Variants in SLC39A11 observed in about 807,000 individuals in gnomAD.
The protein encoded by SLC39A11 is zinc transporter ZIP11.
In SLC39A11, 33 loss-of-function variants were observed where a neutral mutation model predicts 36.1. The ratio of observed to expected loss-of-function variants is 0.91; its 90% CI spans 0.69 to 1.22. SLC39A11 has a LOEUF of 1.22. SLC39A11 is among the 50% of genes most tolerant of loss of function. The pLI, the probability that SLC39A11 is intolerant of heterozygous loss-of-function variation, is 0.00. For missense variants in SLC39A11, 432 were observed against 430.3 expected (o/e 1.00, Z -0.03); for synonymous variants, 166 against 170.3 (o/e 0.97, Z 0.20).
chr17:73,007,971 C>T (rs1568113563), intron 4 of SLC39A11, among the ~76,000 whole-genome samples: 1 of 152,076 alleles, frequency 6.6e-6, no homozygotes, highest in South Asian at 2.1e-4. Context: ...GGTGTGGTGG[C>T]GTGAGCCTGT....
In SLC39A11 at chr17:72,963,234, G is replaced by A. The variant is rs377456770; in HGVS notation, c.307-15359C>T. Among the ~76,000 whole-genome samples, 1,141 of 141,098 alleles carry A rather than the reference G, an allele frequency of 8.1e-3. 22 individuals are homozygous for A. Among genetic ancestry groups the A allele is most frequent in the African/African-American group, 0.028 (1,039 of 37,458 alleles). The allele number at this position is 141,098 out of a possible 152,430, so 92.6% of individuals were successfully genotyped here. A position where few individuals can be genotyped will look rare whatever the true frequency, so the allele number is the denominator to read the frequency against. ...CCCCCAGGCTGGAGTGCAGTGGTGC[G>A]ATCCCAGCTCCCTGCAAGCTCCGCC... is the stretch of plus-strand genomic sequence containing the variant. On this transcript the variant is annotated intron_variant, in intron 4 of 9. Coordinates refer to ENST00000255559, the MANE Select transcript of SLC39A11 (RefSeq NM_139177.4).
intron 4 of SLC39A11, among the ~76,000 whole-genome samples, chr17:72,980,588 T>C (rs1343012282): frequency 5.3e-5 from 8 of 152,112 alleles, no homozygotes; most frequent in Admixed American, 5.2e-4. Context: ...GCTGTAAGAA[T>C]AACCAAGAAA....
intron 4 of SLC39A11, among the ~76,000 whole-genome samples, chr17:72,955,362 G>C (rs1365557161): frequency 1.5e-5 from 2 of 129,860 alleles, no homozygotes; most frequent in African/African-American, 2.8e-5. Flanking sequence ...GAGTGCAGTG[G>C]TGCAATCTCA....
chr17:72,769,394 A>G (rs750222709), intron 6 of SLC39A11, among the ~76,000 whole-genome samples: 1 of 152,222 alleles, frequency 6.6e-6, no homozygotes, highest in Non-Finnish European at 1.5e-5. Flanking sequence ...ATTCTGAAAC[A>G]TGCTACAACA....
chr17:72,983,286 A>C lies in SLC39A11; in HGVS notation c.307-35411T>G, dbSNP rs12103649. Among the ~76,000 whole-genome samples, 827 of 152,146 alleles carry C rather than the reference A, an allele frequency of 5.4e-3. 12 individuals are homozygous for C. The highest frequency in any genetic ancestry group is 0.019 in the African/African-American group (798 of 41,522). On this transcript the variant is annotated intron_variant, in intron 4 of 9. Coordinates refer to ENST00000255559, the MANE Select transcript of SLC39A11 (RefSeq NM_139177.4). ...TGTCTCAGCCTCCTGAGGAGCTGGG[A>C]TTACAGGCAAGCGCCACCACAACCA...
At chr17:73,050,522 G>A (rs559092634) in intron 3 of SLC39A11, among the ~76,000 whole-genome samples, 134 of 149,402 alleles carry the variant, frequency 9.0e-4, no homozygotes, top group African/African-American at 3.1e-3. Flanking sequence ...GGAGTGCAGT[G>A]GCTCAATCTT....
At chr17:72,787,389 C>A (rs1207343144) in intron 6 of SLC39A11, among the ~76,000 whole-genome samples, 1 of 150,930 alleles carries the variant, frequency 6.6e-6, no homozygotes, top group African/African-American at 2.4e-5. Context: ...TCCCGAGTAG[C>A]TGGGACTACA....
chr17:73,031,551 C>A lies in SLC39A11; in HGVS notation c.306+5G>T. On this transcript the variant is annotated splice_donor_5th_base_variant and intron_variant, in intron 4 of 9. Coordinates refer to ENST00000255559, the MANE Select transcript of SLC39A11 (RefSeq NM_139177.4). The stretch of plus-strand genomic sequence containing the variant: ...TACGACAGCTAAAAGTAGAGTGGTA[C>A]TCACCAAGTGAGGCATCAGGAGGTC... 1 of 1,614,110 alleles carries A rather than the reference C, an allele frequency of 6.2e-7. No homozygotes were observed. Among genetic ancestry groups the A allele is most frequent in the Non-Finnish European group, 8.5e-7 (1 of 1,179,998 alleles).
At chr17:72,702,939 C>CAAAAAAAAAAAAAAAA (rs57566412) in intron 7 of SLC39A11, among the ~76,000 whole-genome samples, 9 of 86,810 alleles carry the variant, frequency 1.0e-4, no homozygotes, top group Admixed American at 3.4e-4. Flanking sequence ...TCCATCTCAC[C>CAAAAAAAAAAAAAAAA]AAAAAAAAAA....
At chr17:72,867,772 A>G (rs898173938) in intron 5 of SLC39A11, among the ~76,000 whole-genome samples, 4 of 152,038 alleles carry the variant, frequency 2.6e-5, no homozygotes, top group Admixed American at 6.5e-5. Flanking sequence ...ACACACACAC[A>G]CACACACACA....
chr17:72,728,407 A>G (rs1440618255), intron 7 of SLC39A11, among the ~76,000 whole-genome samples: 1 of 152,162 alleles, frequency 6.6e-6, no homozygotes, highest in Non-Finnish European at 1.5e-5. Flanking sequence ...GCACCACTGC[A>G]CTACAGCCTG....
chr17:72,663,602 C>G (rs527691803), intron 7 of SLC39A11, among the ~76,000 whole-genome samples: 76 of 152,266 alleles, frequency 5.0e-4, no homozygotes, highest in Non-Finnish European at 7.9e-4. Flanking sequence ...GGCAGCAGTG[C>G]AAGGCCCCAG....
intron 7 of SLC39A11, among the ~76,000 whole-genome samples, chr17:72,725,270 C>CA (rs959139357): frequency 2.0e-5 from 3 of 152,212 alleles, no homozygotes; most frequent in African/African-American, 7.2e-5. Flanking sequence ...GGTAGACCAT[C>CA]AAAAGCTTGG....
At chr17:73,032,064 G>A (rs1049881654) in intron 3 of SLC39A11, among the ~76,000 whole-genome samples, 3 of 152,196 alleles carry the variant, frequency 2.0e-5, no homozygotes, top group Non-Finnish European at 4.4e-5. Context: ...ACACTGGGAG[G>A]AGCGTAGGGG....
At chr17:72,967,602 A>G (rs2087107021) in intron 4 of SLC39A11, among the ~76,000 whole-genome samples, 3 of 152,160 alleles carry the variant, frequency 2.0e-5, no homozygotes, top group Admixed American at 1.3e-4. Context: ...AGGAAAAATA[A>G]TCCGTGACGA....
At chr17:72,784,287 G>A (rs938537108) in intron 6 of SLC39A11, among the ~76,000 whole-genome samples, 4 of 152,162 alleles carry the variant, frequency 2.6e-5, no homozygotes, top group South Asian at 2.1e-4. Flanking sequence ...ATAGGTTGCC[G>A]TGAGCAGAGA....
intron 5 of SLC39A11, among the ~76,000 whole-genome samples, chr17:72,864,088 G>C (rs965706642): frequency 3.9e-5 from 6 of 152,160 alleles, no homozygotes; most frequent in Non-Finnish European, 2.9e-5. Flanking sequence ...CATCTCAAAA[G>C]AAATTGTTTG....
chr17:72,976,410 C>A (rs55990568), intron 4 of SLC39A11, among the ~76,000 whole-genome samples: 5,432 of 152,136 alleles, frequency 0.036, 350 homozygotes, highest in African/African-American at 0.12. Context: ...CTAGGTCTCA[C>A]ACTCACCCTC....
intron 7 of SLC39A11, among the ~76,000 whole-genome samples, chr17:72,664,549 TA>T (rs1364205861): frequency 1.3e-5 from 2 of 152,196 alleles, no homozygotes; most frequent in Non-Finnish European, 2.9e-5. Flanking sequence ...ATGGCTATAC[TA>T]AGGTGCAAGC....
Sources: allele counts gnomAD v4.1 joint callset (sites outside exome capture counted in the v4.1 genomes callset), GRCh38; gene constraint gnomAD v4.1.1; transcripts MANE v1.5; gene names NCBI Gene and HGNC (gene_info 2026-07-23, HGNC 2026-07-21).